KIAA0513: variants seen among roughly 807,000 people sequenced by gnomAD.
KIAA0513 encodes the protein uncharacterized protein KIAA0513.
Under a neutral mutation model 56.5 loss-of-function variants are expected in KIAA0513, and 39 were observed. The ratio of observed to expected loss-of-function variants is 0.69; its 90% confidence interval spans 0.53 to 0.90. KIAA0513 has a LOEUF of 0.90. Ranked by LOEUF, KIAA0513 falls within the 40% of genes least tolerant of loss-of-function variation. KIAA0513 has a pLI of 0.00. For synonymous variants in KIAA0513, 268 were observed against 215.6 expected, an observed-to-expected ratio of 1.24 and a Z score of -2.13; for missense variants, 591 against 535.2, an observed-to-expected ratio of 1.10 and a Z score of -1.03.
At chr16:85,078,357 G>C in intron 6 of KIAA0513, 58 bp from the exon 7 acceptor site, 1 of 1,594,742 alleles carries the variant, frequency 6.3e-7, no homozygotes, top group Non-Finnish European at 8.6e-7. Context: ...CAGCGTCTTT[G>C]AGTTGAGAAA....
rs571633652 is a variant in KIAA0513, at chr16:85,081,813, C to T, written c.980+421C>T. ...GCTGGCGCCTGGGGAATGCAGTTGCCGCTCGCAACTCACCTCTTGGGTCTG... is the reference window on the plus strand; with the variant it reads ...GCTGGCGCCTGGGGAATGCAGTTGCTGCTCGCAACTCACCTCTTGGGTCTG... On this transcript the variant is annotated intron_variant, in intron 9 of 12. Coordinates refer to ENST00000683363, the MANE Select transcript of KIAA0513 (RefSeq NM_001388359.1). This position sits in a 1 kb window ranked among gnomAD's most constrained non-coding sequence, Gnocchi z 4.4. Among the ~76,000 whole-genome samples, 6 of 152,292 alleles carry T rather than the reference C, an allele frequency of 3.9e-5. No individual in the cohort carries two copies. The South Asian group carries it at 8.3e-4, about 21-fold the overall frequency.
At chr16:85,051,165 A>C (rs578151785) in intron 1 of KIAA0513, among the ~76,000 whole-genome samples, 5 of 152,178 alleles carry the variant, frequency 3.3e-5, no homozygotes, top group African/African-American at 4.8e-5. Context: ...GGAAAAGAAA[A>C]AAGAAAGGAC....
intron 1 of KIAA0513, among the ~76,000 whole-genome samples, chr16:85,037,995 C>T (rs1048850467): frequency 6.6e-6 from 1 of 152,182 alleles, no homozygotes; most frequent in Non-Finnish European, 1.5e-5. Flanking sequence ...TTTCCAAAAT[C>T]GAATTCAGGT....
chr16:85,069,615 A>T, intron 2 of KIAA0513, among the ~76,000 whole-genome samples: 1 of 151,922 alleles, frequency 6.6e-6, no homozygotes, highest in Non-Finnish European at 1.5e-5. Context: ...CCCCGGAGCC[A>T]TGGGGTTCAG....
chr16:85,084,824 A>G (rs1001965120), intron 10 of KIAA0513, among the ~76,000 whole-genome samples: 1 of 152,154 alleles, frequency 6.6e-6, no homozygotes, highest in Non-Finnish European at 1.5e-5. Flanking sequence ...CGGCCTCCCA[A>G]AGTGCTGGGA....
At chr16:85,070,687 A>T (rs764703204) in intron 2 of KIAA0513, among the ~76,000 whole-genome samples, 3 of 152,242 alleles carry the variant, frequency 2.0e-5, no homozygotes, top group Non-Finnish European at 2.9e-5. Context: ...CTCAAAAAAA[A>T]TTGATAAATA....
At chr16:85,039,176 G>A (rs2073073978) in intron 1 of KIAA0513, among the ~76,000 whole-genome samples, 1 of 152,186 alleles carries the variant, frequency 6.6e-6, no homozygotes, top group Admixed American at 6.5e-5. Flanking sequence ...CTGCTATAGA[G>A]GTCACGGAAT....
chr16:85,041,757 C>G (rs758152457), intron 1 of KIAA0513, among the ~76,000 whole-genome samples: 13 of 152,120 alleles, frequency 8.5e-5, no homozygotes, highest in Non-Finnish European at 1.3e-4. Context: ...GAAGGAGGGA[C>G]CCTGGGTTCC....
rs1413118471 is a variant in KIAA0513, at chr16:85,067,140, C to T, written c.69C>T (p.Pro23=). ...GGCCTGAGGCACCCACCTCTTCTCCCCTGGAGGCACCACCCCCTGTGCTGC... is the reference window on the plus strand; with the variant it reads ...GGCCTGAGGCACCCACCTCTTCTCCTCTGGAGGCACCACCCCCTGTGCTGC... ...DFGPEAPTSS[P]LEAPPPVLQD... The change falls in exon 2 of 13, where the codon CCC becomes CCT. Residue 23 remains proline (P), a synonymous_variant. Transcript: ENST00000683363. 6.2e-7 allele frequency: 1 copy of T among 1,613,844 alleles called. No individual in the cohort carries two copies. The highest frequency in any genetic ancestry group is 1.7e-5 in the Admixed American group (1 of 59,984).
In KIAA0513 at chr16:85,081,496, G is replaced by A. The variant is rs990006623; in HGVS notation, c.980+104G>A. On this transcript the variant is annotated intron_variant, in intron 9 of 12. Coordinates refer to ENST00000683363, the MANE Select transcript of KIAA0513 (RefSeq NM_001388359.1). The surrounding 1 kb of genome is among the most constrained non-coding windows in gnomAD (Gnocchi z 4.4). ...AGAGCAGAAGAGCAGCTGAGTGGAC[G>A]TGTCTGTTTTTTCTTCACCCCCTCA... 19 of 1,058,018 alleles carry A rather than the reference G, an allele frequency of 1.8e-5. No individual in the cohort carries two copies. The highest frequency in any genetic ancestry group is 4.7e-5 in the African/African-American group (3 of 63,438). 65.5% of individuals were successfully genotyped at this position (1,058,018 alleles called of 1,614,324 possible).
intron 2 of KIAA0513, among the ~76,000 whole-genome samples, chr16:85,069,445 G>A (rs1216656875): frequency 6.6e-6 from 1 of 152,078 alleles, no homozygotes; most frequent in African/African-American, 2.4e-5. Flanking sequence ...TGGTTCTTGA[G>A]GGTAAAATAA....
rs192942883 is a variant in KIAA0513, at chr16:85,033,733, G to A, written c.-173+5875G>A. Among the ~76,000 whole-genome samples the A allele has an allele frequency of 2.0e-5, 3 of 152,292 alleles. No individual in the cohort carries two copies. The East Asian group carries it at 5.8e-4, about 29-fold the overall frequency. ...CTGACTTATCTGGTGACTGGCACTG[G>A]CACCTGGAGATGCCTCAATTCCTCA... On this transcript the variant is annotated intron_variant, in intron 1 of 12. Coordinates refer to ENST00000683363, the MANE Select transcript of KIAA0513 (RefSeq NM_001388359.1).
chr16:85,033,879 C>T (rs529673645), intron 1 of KIAA0513, among the ~76,000 whole-genome samples: 16 of 152,178 alleles, frequency 1.1e-4, no homozygotes, highest in Non-Finnish European at 2.1e-4. Flanking sequence ...CCCTGCCCCA[C>T]CCCCCACTTC....
rs16975145 is a variant in KIAA0513, at chr16:85,046,151, G to A, written c.-173+18293G>A. ...CTGTTTGAGCTTTATATAGAGAGCC[G>A]AGTAGGAGTCAACTCTTTGGGGCTG... On this transcript the variant is annotated intron_variant, in intron 1 of 12. Transcript: ENST00000683363. Among the ~76,000 whole-genome samples, 1,157 of 152,276 alleles carry A rather than the reference G, an allele frequency of 7.6e-3. 13 individuals are homozygous for A. The highest frequency in any genetic ancestry group is 0.026 in the African/African-American group (1,074 of 41,560).
In KIAA0513 at chr16:85,082,586, G is replaced by A; in HGVS notation, c.1003G>A (p.Glu335Lys). The A allele has an allele frequency of 6.2e-6, 10 of 1,614,128 alleles. No individual in the cohort carries two copies. Among genetic ancestry groups the A allele is most frequent in the Non-Finnish European group, 8.5e-6 (10 of 1,179,990 alleles). The part of the protein sequence containing the change: ...TTRGDAGEEE[E>K]KREKWCHMTQ... The stretch of plus-strand genomic sequence containing the variant: ...CAGAGGGGATGCTGGAGAGGAGGAG[G>A]AGAAGAGGTGTGTGTGTCCACGTGA... The change falls in exon 10 of 13, where the codon GAG becomes AAG. Residue 335 changes from glutamate to lysine, a missense_variant. By Grantham distance (56) the Glu-to-Lys change is moderately conservative. Transcript: ENST00000683363.
intron 1 of KIAA0513, among the ~76,000 whole-genome samples, chr16:85,034,266 AC>A (rs1443168384): frequency 2.0e-5 from 3 of 152,124 alleles, no homozygotes; most frequent in Non-Finnish European, 2.9e-5. Context: ...TCTAAGCCCA[AC>A]TACTAAGGAG....
At chr16:85,059,263 A>G (rs1347912483) in intron 1 of KIAA0513, among the ~76,000 whole-genome samples, 6 of 152,216 alleles carry the variant, frequency 3.9e-5, no homozygotes, top group Non-Finnish European at 8.8e-5. Context: ...GGTATCCAGT[A>G]TTGCTGTGTT....
At position 85,045,165 on chromosome 16, in the gene KIAA0513, T is replaced by G. The variant is rs1195946714; in HGVS notation, c.-173+17307T>G. On this transcript the variant is annotated intron_variant, in intron 1 of 12. Coordinates refer to ENST00000683363, the MANE Select transcript of KIAA0513 (RefSeq NM_001388359.1). The stretch of plus-strand genomic sequence containing the variant: ...CAAAAAAAAAGAAAGCATCTGTCCC[T>G]CATCATGTCAATGGTCTGTAGCAGT... 2.0e-5 allele frequency among the ~76,000 whole-genome samples: 3 copies of G among 152,130 alleles called. 1 individual carries two copies. Among genetic ancestry groups the G allele is most frequent in the Non-Finnish European group, 4.4e-5 (3 of 68,034 alleles).
intron 1 of KIAA0513, among the ~76,000 whole-genome samples, chr16:85,042,357 G>A (rs1022055511): frequency 1.3e-5 from 2 of 151,664 alleles, no homozygotes; most frequent in Non-Finnish European, 2.9e-5. Context: ...GGTGTTGGTC[G>A]AGGGAGTATT....
Sources: allele counts gnomAD v4.1 joint callset (sites outside exome capture counted in the v4.1 genomes callset), GRCh38; gene constraint gnomAD v4.1.1; non-coding constraint Gnocchi (gnomAD v3.1); transcripts MANE v1.5; gene names NCBI Gene and HGNC (gene_info 2026-07-23, HGNC 2026-07-21).